Variants in C22orf42 observed in about 807,000 individuals in gnomAD.
C22orf42 encodes the protein chromosome 22 open reading frame 42.
Under a neutral mutation model 31.4 loss-of-function variants are expected in C22orf42, and 24 were observed. The ratio of observed to expected loss-of-function variants is 0.77; its 90% CI spans 0.55 to 1.08. The LOEUF (loss-of-function observed/expected upper bound fraction) is 1.08. C22orf42 is among the 50% of genes least tolerant of loss of function. The probability of loss-of-function intolerance (pLI) is 0.00; values close to 1 mark genes in which losing one functional copy is unlikely to be tolerated. For synonymous variants in C22orf42, 96 were observed against 112.7 expected (o/e 0.85, Z 0.94); for missense variants, 276 against 327.3 (o/e 0.84, Z 1.21).
rs1921457460 is a variant in C22orf42, at chr22:32,159,193, C to T, written c.23G>A (p.Cys8Tyr). Residue 8 changes from cysteine to tyrosine, a missense_variant, in exon 1 of 9, where the codon TGC becomes TAC. Physicochemically the swap from Cys to Tyr is radical, Grantham distance 194 (BLOSUM62 -2). Coordinates refer to ENST00000382097, the MANE Select transcript of C22orf42 (RefSeq NM_001010859.3). ...GTTGAGGCCCCCGCTGGGGCCCAGG[C>T]AGCAAGTCAGTTTGCTCCCCATTGG... is the stretch of plus-strand genomic sequence containing the variant. MGSKLTCCLGPSGGLNCD... is the reference protein window; with the variant it reads MGSKLTCYLGPSGGLNCD... The T allele has an allele frequency of 1.9e-6, 3 of 1,613,770 alleles. No homozygotes were observed. Among genetic ancestry groups the T allele is most frequent in the Non-Finnish European group, 1.7e-6 (2 of 1,180,036 alleles).
intron 8 of C22orf42, 29 bp from the exon 9 acceptor site, chr22:32,149,642 A>T: frequency 9.3e-7 from 1 of 1,076,590 alleles, no homozygotes; most frequent in Non-Finnish European, 1.2e-6. Flanking sequence ...ACTTCATCTC[A>T]AAAAAAAAAT....
At chr22:32,153,857 CAAA>C (rs34792152) in intron 2 of C22orf42, among the ~76,000 whole-genome samples, 116 of 123,070 alleles carry the variant, frequency 9.4e-4, no homozygotes, top group African/African-American at 2.0e-3. Flanking sequence ...CCCATCTCTA[CAAA>C]AAAAAAAAAA....
chr22:32,152,930 A>G (rs1318763000), intron 2 of C22orf42, among the ~76,000 whole-genome samples: 1 of 152,132 alleles, frequency 6.6e-6, no homozygotes, highest in Admixed American at 6.5e-5. Flanking sequence ...TCCCCATTTG[A>G]AGGTCCAGGC....
chr22:32,152,208 T>C, intron 3 of C22orf42, 114 bp from the exon 4 acceptor site: 1 of 1,245,176 alleles, frequency 8.0e-7, no homozygotes, highest in Admixed American at 2.2e-5. Context: ...GAAACAGTGA[T>C]CAAGTCACTG....
intron 2 of C22orf42, 30 bp from the exon 3 acceptor site, chr22:32,152,656 A>G (rs563004741): frequency 6.2e-7 from 1 of 1,606,938 alleles, no homozygotes. Context: ...CAGTCAGTGC[A>G]TTGGTGCTGC....
chr22:32,151,653 C>T (rs186161163), intron 4 of C22orf42, 102 bp from the exon 5 acceptor site: 24 of 1,145,604 alleles, frequency 2.1e-5, no homozygotes, highest in African/African-American at 1.1e-4. Flanking sequence ...TGGAGGTGGG[C>T]GGTTGACAGG....
At chr22:32,153,317 T>A (rs1686103210) in intron 2 of C22orf42, among the ~76,000 whole-genome samples, 1 of 152,174 alleles carries the variant, frequency 6.6e-6, no homozygotes, top group Non-Finnish European at 1.5e-5. Flanking sequence ...ATCAGTAATG[T>A]TGATAAACCT....
chr22:32,159,730 C>G (rs140883186), upstream of C22orf42, among the ~76,000 whole-genome samples: 11,446 of 152,168 alleles, frequency 0.075, 695 homozygotes, highest in African/African-American at 0.16. Context: ...ACAAGTGTTA[C>G]TTTTTGTCTT....
intron 5 of C22orf42, among the ~76,000 whole-genome samples, 171 bp from the exon 6 acceptor site, chr22:32,151,190 T>TG (rs1485963402): frequency 6.6e-6 from 1 of 152,032 alleles, no homozygotes; most frequent in African/African-American, 2.4e-5. Flanking sequence ...TGCAGTGGGT[T>TG]TTTTGGAATA....
intron 6 of C22orf42, 87 bp downstream of exon 6, chr22:32,150,905 A>G (rs2094111926): frequency 6.6e-6 from 9 of 1,370,890 alleles, no homozygotes; most frequent in Admixed American, 5.3e-5. Flanking sequence ...TGAATATAGT[A>G]AAAACGCTGA....
At chr22:32,156,182 T>G (rs16989922) in intron 1 of C22orf42, among the ~76,000 whole-genome samples, 3,090 of 152,346 alleles carry the variant, frequency 0.02, 109 homozygotes, top group African/African-American at 0.071. Context: ...GCAGCTCATA[T>G]GTACCTTTTA....
intron 4 of C22orf42, 77 bp from the exon 5 acceptor site, chr22:32,151,628 C>T (rs572234681): frequency 3.1e-5 from 45 of 1,473,916 alleles, no homozygotes; most frequent in East Asian, 4.5e-5. Context: ...GGATGTGGAC[C>T]GGGGCTGGAG....
At chr22:32,154,994 A>G (rs35571695) in intron 1 of C22orf42, among the ~76,000 whole-genome samples, 3,078 of 152,296 alleles carry the variant, frequency 0.02, 45 homozygotes, top group Non-Finnish European at 0.029. Flanking sequence ...GCCCTGAGGG[A>G]CAGGCAGAGC....
At chr22:32,159,391 G>T, upstream of C22orf42, 1 of 1,426,088 alleles carries the variant, frequency 7.0e-7, no homozygotes, top group African/African-American at 1.4e-5. Context: ...CAGGCTAGTG[G>T]CTCACAATGG....
intron 2 of C22orf42, among the ~76,000 whole-genome samples, 196 bp downstream of exon 2, chr22:32,154,048 C>T (rs1921126804): frequency 6.7e-6 from 1 of 149,798 alleles, no homozygotes; most frequent in African/African-American, 2.5e-5. Flanking sequence ...CACAAAAGAA[C>T]AACTCTAACT....
At chr22:32,156,994 A>G (rs1403137025) in intron 1 of C22orf42, among the ~76,000 whole-genome samples, 1 of 152,218 alleles carries the variant, frequency 6.6e-6, no homozygotes, top group Non-Finnish European at 1.5e-5. Context: ...CAAAGAATGT[A>G]TTGCCACGTT....
intron 1 of C22orf42, 36 bp downstream of exon 1, chr22:32,158,948 A>G: frequency 6.2e-7 from 1 of 1,612,420 alleles, no homozygotes; most frequent in Non-Finnish European, 8.5e-7. Context: ...GGCCAGAGAG[A>G]TGCCAGAGAG....
chr22:32,159,216 TG>T lies in C22orf42; in HGVS notation c.-2del. 6.2e-7 allele frequency: 1 copy of T among 1,612,648 alleles called. No individual in the cohort carries two copies. The highest frequency in any genetic ancestry group is 1.1e-5 in the South Asian group (1 of 91,080). On this transcript the variant is annotated 5_prime_UTR_variant, in exon 1 of 9. Transcript: ENST00000382097. ...GGCAGCAAGTCAGTTTGCTCCCCAT[TG>T]GGCACCTAAACACACAAAAAAGTCC... is the stretch of plus-strand genomic sequence containing the variant.
intron 6 of C22orf42, 168 bp from the exon 7 acceptor site, chr22:32,150,647 AG>A (rs2094111355): frequency 2.2e-5 from 15 of 673,418 alleles, no homozygotes; most frequent in Non-Finnish European, 3.6e-5. Context: ...GCAAAGGAGA[AG>A]GGCAGAAAGA....
Sources: gnomAD v4.1 joint callset for allele counts (sites outside exome capture counted in the v4.1 genomes callset) on GRCh38, gnomAD v4.1.1 for gene constraint, MANE v1.5 for transcripts, NCBI Gene and HGNC (gene_info 2026-07-23, HGNC 2026-07-21) for gene names.